PDLIM5: variants seen among roughly 807,000 people sequenced by gnomAD.
PDLIM5 encodes the protein PDZ and LIM domain protein 5.
In PDLIM5, 34 loss-of-function variants were observed where a neutral mutation model predicts 64.2. The ratio of observed to expected loss-of-function variants is 0.53; its 90% CI spans 0.40 to 0.71. The LOEUF (loss-of-function observed/expected upper bound fraction) is 0.71. Ranked by LOEUF, PDLIM5 falls within the 30% of genes least tolerant of loss-of-function variation. The pLI, the probability that PDLIM5 is intolerant of heterozygous loss-of-function variation, is 0.00. For missense variants in PDLIM5, 683 were observed against 733.6 expected (o/e 0.93, Z 0.80); for synonymous variants, 253 against 269.1 (o/e 0.94, Z 0.59).
intron 2 of PDLIM5, among the ~76,000 whole-genome samples, chr4:94,513,475 TA>T (rs1413133703): frequency 1.3e-5 from 2 of 152,328 alleles, no homozygotes; most frequent in East Asian, 3.9e-4. Context: ...GTACTTAATT[TA>T]ATTTGTGGCT....
intron 8 of PDLIM5, among the ~76,000 whole-genome samples, chr4:94,618,524 C>T (rs1738969028): frequency 6.6e-6 from 1 of 152,140 alleles, no homozygotes; most frequent in Non-Finnish European, 1.5e-5. Flanking sequence ...GGAAATATAA[C>T]ATTTTAGTTT....
Position 94,654,474 on chromosome 4 carries a change from T to A in PDLIM5, c.1298T>A (p.Val433Glu). Residue 433 changes from valine (V) to glutamate (E), a missense_variant, in exon 10 of 13, where the codon GTG becomes GAG. Coordinates refer to ENST00000317968, the MANE Select transcript of PDLIM5 (RefSeq NM_006457.5). ...TCTTCTGTCAGAGGACCATTCTTAG[T>A]GGCACTGGGGAAATCTTGGCACCCA... ...CNQVIRGPFL[V>E]ALGKSWHPEE... The A allele has an allele frequency of 6.2e-7, 1 of 1,609,438 alleles. No homozygotes were observed. Among genetic ancestry groups the A allele is most frequent in the South Asian group, 1.1e-5 (1 of 90,886 alleles).
chr4:94,517,918 G>C (rs948680291), intron 2 of PDLIM5, among the ~76,000 whole-genome samples: 2 of 152,112 alleles, frequency 1.3e-5, no homozygotes, highest in Non-Finnish European at 2.9e-5. Context: ...TATTAAAATG[G>C]TGTTACCTGT....
At chr4:94,518,363 A>T (rs1729545752) in intron 2 of PDLIM5, among the ~76,000 whole-genome samples, 1 of 152,190 alleles carries the variant, frequency 6.6e-6, no homozygotes, top group South Asian at 2.1e-4. Flanking sequence ...GTTTGTGGAT[A>T]AGTTTTCCAT....
intron 9 of PDLIM5, among the ~76,000 whole-genome samples, chr4:94,643,579 G>T (rs775605384): frequency 6.6e-6 from 1 of 152,038 alleles, no homozygotes; most frequent in South Asian, 2.1e-4. Context: ...TGGAGTTAAC[G>T]GAACTATTTA....
At chr4:94,640,941 A>G (rs1740958483) in intron 9 of PDLIM5, among the ~76,000 whole-genome samples, 1 of 152,228 alleles carries the variant, frequency 6.6e-6, no homozygotes, top group South Asian at 2.1e-4. Flanking sequence ...AAATGTTTTG[A>G]ATGTTAGATT....
At chr4:94,632,255 G>T (rs1289673522) in intron 8 of PDLIM5, among the ~76,000 whole-genome samples, 2 of 152,188 alleles carry the variant, frequency 1.3e-5, no homozygotes, top group South Asian at 4.1e-4. Flanking sequence ...CATAGCAGTT[G>T]TTCAAAAAAC....
At chr4:94,577,443 T>A in intron 5 of PDLIM5, 1 of 439,030 alleles carries the variant, frequency 2.3e-6, no homozygotes, top group South Asian at 1.6e-5. Flanking sequence ...GTCTTGAGGT[T>A]GTGGGTGGCT....
At chr4:94,502,837 A>G (rs1047727094) in intron 2 of PDLIM5, among the ~76,000 whole-genome samples, 1 of 152,088 alleles carries the variant, frequency 6.6e-6, no homozygotes, top group Admixed American at 6.6e-5. Flanking sequence ...AGATCATGCC[A>G]CTGCACTTCA....
chr4:94,481,802 G>C (rs1725881384), intron 2 of PDLIM5, among the ~76,000 whole-genome samples: 1 of 151,866 alleles, frequency 6.6e-6, no homozygotes, highest in African/African-American at 2.4e-5. Context: ...GTAGAGATGG[G>C]GTTTCACCGT....
At chr4:94,508,430 G>A (rs1390896318) in intron 2 of PDLIM5, among the ~76,000 whole-genome samples, 1 of 152,210 alleles carries the variant, frequency 6.6e-6, no homozygotes, top group Non-Finnish European at 1.5e-5. Context: ...CTCCCTTGGA[G>A]GTCAGAAACT....
Position 94,453,182 on chromosome 4 carries a change from C to T in PDLIM5, c.-43+1187C>T, listed in dbSNP as rs551220786. On this transcript the variant is annotated intron_variant, in intron 1 of 12. Coordinates refer to ENST00000317968, the MANE Select transcript of PDLIM5 (RefSeq NM_006457.5). ...TCTACAGAAATTCCAACCTTTTCGA[C>T]GTGTTTGAAAGAGTATGCTGCTATT... Among the ~76,000 whole-genome samples, 3 of 152,228 alleles carry T rather than the reference C, an allele frequency of 2.0e-5. No homozygotes were observed. The East Asian group carries it at 5.8e-4, about 29-fold the overall frequency.
intron 2 of PDLIM5, 138 bp downstream of exon 2, chr4:94,455,522 C>T (rs1025113031): frequency 1.4e-6 from 1 of 702,286 alleles, no homozygotes; most frequent in South Asian, 1.7e-5. Flanking sequence ...ATTTGATTAT[C>T]TATAATAAAG....
chr4:94,482,568 T>A (rs1446332998), intron 2 of PDLIM5, among the ~76,000 whole-genome samples: 1 of 152,136 alleles, frequency 6.6e-6, no homozygotes, highest in Non-Finnish European at 1.5e-5. Flanking sequence ...GTAATTATAT[T>A]AACCTGGTAA....
intron 9 of PDLIM5, among the ~76,000 whole-genome samples, chr4:94,644,613 C>T (rs1470628315): frequency 6.6e-6 from 1 of 151,696 alleles, no homozygotes; most frequent in Non-Finnish European, 1.5e-5. Context: ...GCAACCTCGG[C>T]TCACTGCAAC....
chr4:94,524,449 C>T (rs972357864), intron 3 of PDLIM5, among the ~76,000 whole-genome samples: 1 of 150,062 alleles, frequency 6.7e-6, no homozygotes, highest in Non-Finnish European at 1.5e-5. Flanking sequence ...CAATGGAGTG[C>T]AGGCTAAGAA....
chr4:94,551,506 CG>C (rs1732803379), intron 3 of PDLIM5, among the ~76,000 whole-genome samples: 1 of 152,066 alleles, frequency 6.6e-6, no homozygotes, highest in Non-Finnish European at 1.5e-5. Flanking sequence ...TGGGTTTCAT[CG>C]TCAAAGATTT....
chr4:94,452,518 A>G (rs536054838), intron 1 of PDLIM5, among the ~76,000 whole-genome samples: 1 of 152,354 alleles, frequency 6.6e-6, no homozygotes, highest in East Asian at 1.9e-4. Context: ...CCAGATATTT[A>G]CAGTTTTGTG....
chr4:94,473,261 T>C (rs1408361255), intron 2 of PDLIM5, among the ~76,000 whole-genome samples: 1 of 152,114 alleles, frequency 6.6e-6, no homozygotes, highest in Non-Finnish European at 1.5e-5. Flanking sequence ...TGATTTTATT[T>C]TTTTTATTTT....
Sources: gnomAD v4.1 joint callset for allele counts (sites outside exome capture counted in the v4.1 genomes callset) on GRCh38, gnomAD v4.1.1 for gene constraint, MANE v1.5 for transcripts, NCBI Gene and HGNC (gene_info 2026-07-23, HGNC 2026-07-21) for gene names.